OSBPL8: variants seen among roughly 807,000 people sequenced by gnomAD.
OSBPL8 encodes the protein oxysterol binding protein like 8, also known as oxysterol-binding protein-related protein 8.
Under a neutral mutation model 125.5 loss-of-function variants are expected in OSBPL8, and 59 were observed. The ratio of observed to expected loss-of-function variants is 0.47; its 90% confidence interval spans 0.38 to 0.58. The LOEUF (loss-of-function observed/expected upper bound fraction) is 0.58. OSBPL8 is among the 20% of genes least tolerant of loss of function. The probability of loss-of-function intolerance (pLI) is 0.00; values close to 1 mark genes in which losing one functional copy is unlikely to be tolerated. For synonymous variants in OSBPL8, 330 were observed against 338.9 expected, an observed-to-expected ratio of 0.97 and a Z score of 0.29; for missense variants, 758 against 1,047.8, an observed-to-expected ratio of 0.72 and a Z score of 3.82.
chr12:76,503,165 T>C (rs1880075353), intron 1 of OSBPL8, among the ~76,000 whole-genome samples: 1 of 152,228 alleles, frequency 6.6e-6, no homozygotes, highest in Admixed American at 6.5e-5. Context: ...TTTCTAGCGT[T>C]GCCATAATAA....
chr12:76,501,112 CAT>C (rs1555231840), intron 1 of OSBPL8, among the ~76,000 whole-genome samples: 33 of 151,966 alleles, frequency 2.2e-4, no homozygotes, highest in African/African-American at 5.3e-4. Flanking sequence ...CACACACACA[CAT>C]AGACACATAT....
chr12:76,550,552 C>T (rs1182520881), intron 1 of OSBPL8, among the ~76,000 whole-genome samples: 1 of 151,924 alleles, frequency 6.6e-6, no homozygotes, highest in Non-Finnish European at 1.5e-5. Context: ...CTTGGGCCAC[C>T]CATAAAATAC....
intron 6 of OSBPL8, among the ~76,000 whole-genome samples, chr12:76,401,461 C>T (rs184420839): frequency 7.2e-5 from 11 of 152,284 alleles, no homozygotes; most frequent in South Asian, 2.1e-4. Context: ...ATTGTCATTA[C>T]GTCATTTAAT....
chr12:76,364,511 G>T (rs1354614476), intron 21 of OSBPL8, among the ~76,000 whole-genome samples: 1 of 152,172 alleles, frequency 6.6e-6, no homozygotes, highest in African/African-American at 2.4e-5. Flanking sequence ...TGGGTGGGAG[G>T]CTAGGGGAGG....
rs1876795737 is a variant in OSBPL8 at position 76,476,261 on chromosome 12, A to G, written c.42+11249T>C. 1.3e-5 allele frequency among the ~76,000 whole-genome samples: 2 copies of G among 152,218 alleles called. 1 individual carries two copies. Among genetic ancestry groups the G allele is most frequent in the South Asian group, 4.1e-4 (2 of 4,832 alleles). On this transcript the variant is annotated intron_variant, in intron 2 of 23. Transcript: ENST00000261183. ...CAGACAAGGCAGTAATATTCCCAGA[A>G]GAATATTATTAAGAGAATATAAGCT... is the stretch of plus-strand genomic sequence containing the variant.
chr12:76,541,060 C>T (rs1950629160), intron 1 of OSBPL8, among the ~76,000 whole-genome samples: 1 of 152,166 alleles, frequency 6.6e-6, no homozygotes. Flanking sequence ...GGCTACTATC[C>T]CTAGTGCCCC....
At chr12:76,381,659 T>C (rs142831980) in intron 15 of OSBPL8, among the ~76,000 whole-genome samples, 5 of 152,300 alleles carry the variant, frequency 3.3e-5, no homozygotes, top group Admixed American at 1.3e-4. Context: ...TTTATTAATA[T>C]ACTCACTTAA....
At chr12:76,491,772 G>T (rs1430201427) in intron 1 of OSBPL8, among the ~76,000 whole-genome samples, 1 of 152,126 alleles carries the variant, frequency 6.6e-6, no homozygotes, top group Non-Finnish European at 1.5e-5. Context: ...ATCCAAAACA[G>T]CAGATGATAT....
chr12:76,379,062 C>G (rs1226776254), intron 15 of OSBPL8, among the ~76,000 whole-genome samples: 2 of 152,178 alleles, frequency 1.3e-5, no homozygotes, highest in East Asian at 3.9e-4. Flanking sequence ...GCTGGGATTA[C>G]AGGCATGAGC....
chr12:76,544,203 C>T (rs961773735), intron 1 of OSBPL8, among the ~76,000 whole-genome samples: 1 of 152,156 alleles, frequency 6.6e-6, no homozygotes, highest in Non-Finnish European at 1.5e-5. Context: ...TTAGCTACCT[C>T]ATAAATGACA....
intron 2 of OSBPL8, among the ~76,000 whole-genome samples, chr12:76,483,918 G>A (rs1332648458): frequency 6.6e-6 from 1 of 151,876 alleles, no homozygotes; most frequent in Non-Finnish European, 1.5e-5. Context: ...TAGGTGATCT[G>A]TACGCCTCGG....
chr12:76,468,873 C>A (rs1402305313), intron 2 of OSBPL8, among the ~76,000 whole-genome samples: 3 of 152,168 alleles, frequency 2.0e-5, no homozygotes, highest in Non-Finnish European at 2.9e-5. Context: ...CTACTACCTA[C>A]ATGTAGCTAT....
chr12:76,552,080 G>A (rs1047516797), intron 1 of OSBPL8, among the ~76,000 whole-genome samples: 3 of 151,938 alleles, frequency 2.0e-5, no homozygotes, highest in African/African-American at 7.3e-5. Context: ...TATTTTTTCT[G>A]CCACTTCAAC....
At chr12:76,379,590 T>G (rs912701439) in intron 15 of OSBPL8, among the ~76,000 whole-genome samples, 1 of 152,194 alleles carries the variant, frequency 6.6e-6, no homozygotes, top group Non-Finnish European at 1.5e-5. Context: ...CTTTACCTAT[T>G]CTAGAATTCT....
intron 5 of OSBPL8, among the ~76,000 whole-genome samples, chr12:76,406,110 T>G (rs894076061): frequency 6.6e-6 from 1 of 152,194 alleles, no homozygotes; most frequent in Admixed American, 6.5e-5. Context: ...GGTAATATAT[T>G]GTTTCAGGTT....
At chr12:76,532,737 C>T (rs755722771) in intron 1 of OSBPL8, among the ~76,000 whole-genome samples, 6 of 150,914 alleles carry the variant, frequency 4.0e-5, no homozygotes, top group Non-Finnish European at 7.4e-5. Context: ...AGAGCCAGAC[C>T]AATCAGTCCA....
intron 2 of OSBPL8, among the ~76,000 whole-genome samples, chr12:76,475,023 A>T (rs1876632931): frequency 6.6e-6 from 1 of 152,176 alleles, no homozygotes; most frequent in African/African-American, 2.4e-5. Context: ...ACAGGTAGAG[A>T]TTTGGTTGGA....
At chr12:76,517,895 C>A (rs971412758) in intron 1 of OSBPL8, among the ~76,000 whole-genome samples, 1 of 152,122 alleles carries the variant, frequency 6.6e-6, no homozygotes, top group South Asian at 2.1e-4. Flanking sequence ...GAGTGATTGG[C>A]CCCCATAATC....
intron 4 of OSBPL8, among the ~76,000 whole-genome samples, chr12:76,432,009 G>T (rs1474099856): frequency 6.6e-6 from 1 of 151,988 alleles, no homozygotes; most frequent in Admixed American, 6.6e-5. Context: ...AAATTTAAAA[G>T]ATCAAAATAA....
Sources: allele counts gnomAD v4.1 joint callset (sites outside exome capture counted in the v4.1 genomes callset), GRCh38; gene constraint gnomAD v4.1.1; transcripts MANE v1.5; gene names NCBI Gene and HGNC (gene_info 2026-07-23, HGNC 2026-07-21).